Variants in MEMO1 observed in about 807,000 individuals in gnomAD.
The protein encoded by MEMO1 is mediator of cell motility 1.
Under a neutral mutation model 45.2 loss-of-function variants are expected in MEMO1, and 6 were observed. That is an observed-to-expected ratio of 0.13 (90% CI 0.07 to 0.26). MEMO1 has a LOEUF of 0.26. Ranked by LOEUF, MEMO1 falls within the 10% of genes least tolerant of loss-of-function variation. The probability of loss-of-function intolerance (pLI) is 1.00; values close to 1 mark genes in which losing one functional copy is unlikely to be tolerated. For missense variants in MEMO1, 184 were observed against 370.5 expected (o/e 0.50, Z 4.13); for synonymous variants, 78 against 124.3 (o/e 0.63, Z 2.48).
At chr2:31,898,439 G>T (rs1192442545) in intron 6 of MEMO1, among the ~76,000 whole-genome samples, 3 of 152,144 alleles carry the variant, frequency 2.0e-5, no homozygotes, top group African/African-American at 7.2e-5. Flanking sequence ...TGGTTTCAAA[G>T]AACTTCTTTA....
chr2:31,999,472 G>C (rs571162102), intron 2 of MEMO1, among the ~76,000 whole-genome samples: 6 of 152,180 alleles, frequency 3.9e-5, no homozygotes, highest in African/African-American at 1.4e-4. Flanking sequence ...AGACCAGCCT[G>C]AGCAATATAG....
At chr2:31,873,631 A>G (rs1204381659) in intron 8 of MEMO1, among the ~76,000 whole-genome samples, 6 of 152,206 alleles carry the variant, frequency 3.9e-5, no homozygotes, top group African/African-American at 1.4e-4. Flanking sequence ...GCAAAGGAGT[A>G]GCAAAACATT....
chr2:31,906,778 A>T (rs1679814576), intron 6 of MEMO1, among the ~76,000 whole-genome samples: 1 of 152,136 alleles, frequency 6.6e-6, no homozygotes, highest in South Asian at 2.1e-4. Flanking sequence ...CAGTTCTCTA[A>T]TTCTGCCCCT....
At chr2:31,974,781 A>T (rs1028048727) in intron 2 of MEMO1, among the ~76,000 whole-genome samples, 1 of 151,798 alleles carries the variant, frequency 6.6e-6, no homozygotes, top group Non-Finnish European at 1.5e-5. Context: ...AGACCAAAAA[A>T]CAAACCAAAA....
intron 7 of MEMO1, among the ~76,000 whole-genome samples, chr2:31,883,898 C>T (rs528771625): frequency 1.3e-3 from 187 of 146,386 alleles, no homozygotes; most frequent in African/African-American, 4.3e-3. Context: ...ATCTCTATTA[C>T]GGGGGAAAAA....
intron 4 of MEMO1, among the ~76,000 whole-genome samples, chr2:31,926,456 A>C (rs999568492): frequency 2.6e-5 from 4 of 152,142 alleles, no homozygotes; most frequent in African/African-American, 9.7e-5. Flanking sequence ...AAGGTTTTCA[A>C]GTGAAAATTG....
At chr2:31,873,512 G>C (rs1404288104) in intron 8 of MEMO1, among the ~76,000 whole-genome samples, 3 of 152,100 alleles carry the variant, frequency 2.0e-5, no homozygotes, top group African/African-American at 7.2e-5. Context: ...TCAGGACCCT[G>C]ATAAGACAAC....
intron 2 of MEMO1, among the ~76,000 whole-genome samples, chr2:32,006,606 A>AAGG (rs1674104826): frequency 6.6e-6 from 1 of 150,770 alleles, no homozygotes. Context: ...AAAAAAAAAA[A>AAGG]GGGCTGCAGC....
rs937247385 is a variant in MEMO1 at position 31,985,715 on chromosome 2, T to A, written c.61+24472A>T. Reference sequence around the variant, plus strand: ...AGAATCACATTTACTCATTTATTAATAGAAAATGTCATATTCCACAAGCAA... The same window carrying A: ...AGAATCACATTTACTCATTTATTAAAAGAAAATGTCATATTCCACAAGCAA... On this transcript the variant is annotated intron_variant, in intron 2 of 9. Transcript: ENST00000404530. Among the ~76,000 whole-genome samples the A allele has an allele frequency of 3.3e-5, 5 of 152,384 alleles. No individual in the cohort carries two copies. The East Asian group carries it at 7.7e-4, about 23-fold the overall frequency.
Position 31,996,091 on chromosome 2 carries a change from T to C in MEMO1, c.61+14096A>G, listed in dbSNP as rs538158313. On this transcript the variant is annotated intron_variant, in intron 2 of 9. Transcript: ENST00000404530. ...ATCCCAATATGCACACCAAATAATA[T>C]AAAATCAAAAATACATAAAACAGCC... Among the ~76,000 whole-genome samples, 10 of 151,270 alleles carry C rather than the reference T, an allele frequency of 6.6e-5. No individual in the cohort carries two copies. The East Asian group carries it at 1.8e-3, about 27-fold the overall frequency.
chr2:31,935,852 T>G (rs974760087), intron 3 of MEMO1, among the ~76,000 whole-genome samples: 1 of 152,152 alleles, frequency 6.6e-6, no homozygotes, highest in Non-Finnish European at 1.5e-5. Flanking sequence ...CGGCTAAAGT[T>G]TTTTCTTTTG....
At chr2:32,002,941 G>A (rs754081924) in intron 2 of MEMO1, among the ~76,000 whole-genome samples, 6 of 152,122 alleles carry the variant, frequency 3.9e-5, no homozygotes, top group African/African-American at 9.7e-5. Context: ...TTTCTGCAAG[G>A]TAAAATAATA....
At chr2:31,989,147 G>A (rs756263169) in intron 2 of MEMO1, among the ~76,000 whole-genome samples, 18 of 151,744 alleles carry the variant, frequency 1.2e-4, no homozygotes, top group African/African-American at 2.4e-4. Context: ...CAGAGGTTGC[G>A]GTGAGCCGAG....
chr2:31,933,251 A>G lies in MEMO1; in HGVS notation c.144-1116T>C, dbSNP rs553327960. ...AGGAGGATTGCTTAAGCCAAGTTCT[A>G]TATTACAGTGAGCTATGATCACGCC... On this transcript the variant is annotated intron_variant, in intron 3 of 9. Coordinates refer to ENST00000404530, the MANE Select transcript of MEMO1 (RefSeq NM_001301833.4). 2.1e-5 allele frequency among the ~76,000 whole-genome samples: 3 copies of G among 141,334 alleles called. No individual in the cohort carries two copies. In the Admixed American group the frequency reaches 2.2e-4, roughly 10 times the overall value. The allele number at this position is 141,334 out of a possible 152,430, so 92.7% of individuals were successfully genotyped here.
chr2:31,917,896 C>G, intron 6 of MEMO1, 30 bp downstream of exon 6: 26 of 1,412,676 alleles, frequency 1.8e-5, no homozygotes, highest in Non-Finnish European at 2.5e-5. Context: ...TCTATGATTT[C>G]CTGGGGATTT....
At chr2:31,925,283 T>A (rs781267647) in intron 4 of MEMO1, among the ~76,000 whole-genome samples, 6 of 151,988 alleles carry the variant, frequency 3.9e-5, no homozygotes, top group Non-Finnish European at 7.4e-5. Context: ...CGAGACCATC[T>A]GGCTAACATG....
At position 31,964,544 on chromosome 2, in the gene MEMO1, A is replaced by C. The variant is rs551405136; in HGVS notation, c.62-21161T>G. ...AAACCCCGTCTCTACTAAAAACACA[A>C]AAAAAAATTAGCCAGGTGTGGTGGC... On this transcript the variant is annotated intron_variant, in intron 2 of 9. Transcript: ENST00000404530. 3.2e-3 allele frequency among the ~76,000 whole-genome samples: 478 copies of C among 151,642 alleles called. 1 individual carries two copies. The highest frequency in any genetic ancestry group is 0.01 in the African/African-American group (433 of 41,384).
intron 2 of MEMO1, among the ~76,000 whole-genome samples, chr2:31,957,289 T>TA (rs934774495): frequency 6.6e-6 from 1 of 152,086 alleles, no homozygotes; most frequent in Non-Finnish European, 1.5e-5. Flanking sequence ...AATTAAGTAA[T>TA]AAAAAATATG....
intron 2 of MEMO1, among the ~76,000 whole-genome samples, chr2:31,971,182 A>G (rs757265027): frequency 5.9e-5 from 9 of 152,218 alleles, no homozygotes; most frequent in Non-Finnish European, 1.2e-4. Flanking sequence ...GTTAAATTAT[A>G]AAGATTGTAG....
Sources: allele counts gnomAD v4.1 joint callset (sites outside exome capture counted in the v4.1 genomes callset), GRCh38; gene constraint gnomAD v4.1.1; transcripts MANE v1.5; gene names NCBI Gene and HGNC (gene_info 2026-07-23, HGNC 2026-07-21).